RAD51AP2: variants seen among roughly 807,000 people sequenced by gnomAD.
The protein encoded by RAD51AP2 is RAD51-associated protein 2.
A neutral mutation model predicts 85.5 loss-of-function variants in RAD51AP2; 67 were observed. The ratio of observed to expected loss-of-function variants is 0.78; its 90% CI spans 0.64 to 0.96. The LOEUF (loss-of-function observed/expected upper bound fraction) is 0.96, where lower values mean the gene tolerates loss of function less well. Among genes scored for constraint, RAD51AP2 ranks in the 40% least tolerant of loss-of-function variants. The probability of loss-of-function intolerance (pLI) is 0.00; values close to 1 mark genes in which losing one functional copy is unlikely to be tolerated. For missense variants in RAD51AP2, 1,307 were observed against 1,332.4 expected (o/e 0.98, Z 0.30); for synonymous variants, 474 against 446.5 (o/e 1.06, Z -0.78).
rs1662725603 is a variant in RAD51AP2, at chr2:17,517,593, A to T, written c.823T>A (p.Leu275Ile). 1 of 1,613,870 alleles carries T rather than the reference A, an allele frequency of 6.2e-7. No individual in the cohort carries two copies. The highest frequency in any genetic ancestry group is 8.5e-7 in the Non-Finnish European group (1 of 1,179,994). The change falls in exon 1 of 3, where the codon TTA becomes ATA. Residue 275 changes from leucine (L) to isoleucine (I), a missense_variant. This residue lies in a region of RAD51AP2 where 635 missense variants were observed against 643.6 expected (regional missense o/e 0.99). Transcript: ENST00000399080. ...DLNSKMSSVY[L>I]KEIAKKKNDK... is the part of the protein sequence containing the mutation. ...TTCTTTTTCTTCGCTATTTCCTTTA[A>T]ATAGACAGAGGACATTTTGCTATTT...
intron 2 of RAD51AP2, among the ~76,000 whole-genome samples, chr2:17,511,589 G>A (rs936594129): frequency 6.6e-6 from 1 of 151,860 alleles, no homozygotes; most frequent in Non-Finnish European, 1.5e-5. Flanking sequence ...AAACTGTGGG[G>A]TACATATGTA....
rs764730094 is a variant in RAD51AP2, at chr2:17,517,669, G to C, written c.747C>G (p.Ser249Arg). 3 of 1,613,574 alleles carry C rather than the reference G, an allele frequency of 1.9e-6. No individual in the cohort carries two copies. In the South Asian group the frequency reaches 3.3e-5, roughly 18 times the overall value. The part of the protein sequence containing the change: ...NQPSLEIAKP[S>R]YFRDSGTISV... ...TTATTGTGCCGCTATCTCTAAAATA[G>C]CTAGGTTTGGCAATTTCCAAGCTGG... is the stretch of plus-strand genomic sequence containing the variant. The change falls in exon 1 of 3, where the codon AGC (serine) becomes AGG (arginine). Residue 249 changes from serine to arginine, a missense_variant. By Grantham distance (110) the Ser-to-Arg change is moderately radical (BLOSUM62 -1). Transcript: ENST00000399080.
chr2:17,510,721 C>A lies in RAD51AP2; in HGVS notation c.*83G>T. 7.5e-6 allele frequency: 7 copies of A among 937,384 alleles called. No homozygotes were observed. Among genetic ancestry groups the A allele is most frequent in the Admixed American group, 3.6e-5 (1 of 27,920 alleles). The allele number at this position is 937,384 out of a possible 1,614,324, so 58.1% of individuals were successfully genotyped here. On this transcript the variant is annotated 3_prime_UTR_variant, in exon 3 of 3. Transcript: ENST00000399080. ...TTCTCCACTTTATAATAAAGCAAGCCCCAAACCCCCAAGCTGGAAGAACAT... is the reference window on the plus strand; with the variant it reads ...TTCTCCACTTTATAATAAAGCAAGCACCAAACCCCCAAGCTGGAAGAACAT...
At chr2:17,511,987 AT>A (rs148927681) in intron 2 of RAD51AP2, among the ~76,000 whole-genome samples, 2,382 of 152,330 alleles carry the variant, frequency 0.016, 36 homozygotes, top group East Asian at 0.088. Context: ...ATAAGACAAC[AT>A]TGTTGGATCA....
At chr2:17,534,130 T>A in the RAD51AP2 span, among the ~76,000 whole-genome samples, 1 of 152,180 alleles carries the variant, frequency 6.6e-6, no homozygotes, top group East Asian at 1.9e-4. Context: ...AATGTATAAA[T>A]TTTAAAAATG....
rs1558264657 is a variant in RAD51AP2 at position 17,515,572 on chromosome 2, A to G, written c.2844T>C (p.Ala948=). ...TCAGAGCTTCTGTTGATAAATATTT[A>G]GCAGCTAAGTCCTGAAAACATTCAT... The part of the protein sequence containing the change: ...GNDECFQDLA[A]KYLSTEALTI... Residue 948 remains alanine, a synonymous_variant, in exon 1 of 3, where the codon GCT becomes GCC. Coordinates refer to ENST00000399080, the MANE Select transcript of RAD51AP2 (RefSeq NM_001099218.3). 1 of 1,608,354 alleles carries G rather than the reference A, an allele frequency of 6.2e-7. No homozygotes were observed. The highest frequency in any genetic ancestry group is 1.3e-5 in the African/African-American group (1 of 74,510).
At chr2:17,532,032 T>TA in the RAD51AP2 span, among the ~76,000 whole-genome samples, 13 of 150,606 alleles carry the variant, frequency 8.6e-5, no homozygotes, top group African/African-American at 3.0e-4. Flanking sequence ...ATTTTCACAG[T>TA]AAAAAAAGCC....
rs776432345 is a variant in RAD51AP2 at position 17,515,206 on chromosome 2, T to C, written c.3210A>G (p.Arg1070=). Residue 1070 remains arginine, a synonymous_variant, in exon 1 of 3, where the codon AGA becomes AGG. Transcript: ENST00000399080. ...TAGAGTAAAGTAATTCTTCCTCTGA[T>C]CTACTTGGATAACAACTCTCATTAG... The part of the protein sequence containing the change: ...EVPNESCYPS[R]SEEELLYSTS... 14 of 1,596,080 alleles carry C rather than the reference T, an allele frequency of 8.8e-6. No homozygotes were observed. The highest frequency in any genetic ancestry group is 1.3e-5 in the African/African-American group (1 of 74,262).
At chr2:17,525,780 GT>G in the RAD51AP2 span, among the ~76,000 whole-genome samples, 1 of 151,962 alleles carries the variant, frequency 6.6e-6, no homozygotes, top group Non-Finnish European at 1.5e-5. Flanking sequence ...TTTCTTAAAA[GT>G]TATCTGGCCT....
the RAD51AP2 span, among the ~76,000 whole-genome samples, chr2:17,530,090 C>T: frequency 1.3e-5 from 2 of 152,194 alleles, no homozygotes; most frequent in African/African-American, 4.8e-5. Context: ...ACCATAACTA[C>T]CAAAGAGTAA....
rs192386910 is a variant in RAD51AP2, at chr2:17,518,400, G to C, written c.16C>G (p.Pro6Ala). Residue 6 changes from proline to alanine, a missense_variant, in exon 1 of 3, where the codon CCC becomes GCC. By Grantham distance (27) the Pro-to-Ala change is conservative. Transcript: ENST00000399080. MSLPQ[P>A]TPRMAELRKP... ...CTGAGCTCGGCCATCCGCGGCGTGG[G>C]CTGAGGGAGAGACATGACAGCGAAT... The C allele has an allele frequency of 1.6e-4, 256 of 1,612,288 alleles. 3 individuals are homozygous for C. In the East Asian group the frequency reaches 5.6e-3, roughly 36 times the overall value.
intron 1 of RAD51AP2, 99 bp from the exon 2 acceptor site, chr2:17,514,191 G>T: frequency 1.3e-6 from 1 of 770,536 alleles, no homozygotes; most frequent in Non-Finnish European, 2.1e-6. Context: ...TCCTTCAGTT[G>T]GCTCCTAATA....
At chr2:17,535,935 CAAAAAAAAAAA>C in the RAD51AP2 span, among the ~76,000 whole-genome samples, 1 of 57,228 alleles carries the variant, frequency 1.7e-5, no homozygotes, top group South Asian at 8.1e-4. Context: ...GTAAGAACAC[CAAAAAAAAAAA>C]AAAAAAAAAA....
intron 1 of RAD51AP2, among the ~76,000 whole-genome samples, 158 bp downstream of exon 1, chr2:17,515,011 A>AG (rs1177884724): frequency 1.3e-5 from 2 of 151,798 alleles, no homozygotes; most frequent in Non-Finnish European, 1.5e-5. Flanking sequence ...TTGCTGGAAA[A>AG]AAAAAAAAAG....
At chr2:17,518,553 C>T, upstream of RAD51AP2, 2 of 1,074,784 alleles carry the variant, frequency 1.9e-6, no homozygotes, top group African/African-American at 1.6e-5. Context: ...TTGCCCCACC[C>T]CGAATCCGCC....
Position 17,515,793 on chromosome 2 carries a change from A to T in RAD51AP2, c.2623T>A (p.Ser875Thr). ...FPMDDMFSVQSVSLISKEVNV... is the reference protein window; with the variant it reads ...FPMDDMFSVQTVSLISKEVNV... The stretch of plus-strand genomic sequence containing the variant: ...ACTTCCTTACTTATTAATGAAACTG[A>T]CTGTACAGAAAACATGTCATCCATT... The change falls in exon 1 of 3, where the codon TCA (serine) becomes ACA (threonine). Residue 875 changes from serine (S) to threonine (T), a missense_variant. This residue lies in a region of RAD51AP2 where 668 missense variants were observed against 671.0 expected (regional missense o/e 1.00). Coordinates refer to ENST00000399080, the MANE Select transcript of RAD51AP2 (RefSeq NM_001099218.3). 2.5e-6 allele frequency: 4 copies of T among 1,602,838 alleles called. No individual in the cohort carries two copies. Among genetic ancestry groups the T allele is most frequent in the Non-Finnish European group, 3.4e-6 (4 of 1,172,698 alleles).
At chr2:17,514,710 C>G (rs1194537779) in intron 1 of RAD51AP2, among the ~76,000 whole-genome samples, 1 of 152,088 alleles carries the variant, frequency 6.6e-6, no homozygotes, top group East Asian at 1.9e-4. Context: ...GCAGAGGTTA[C>G]AGTGAGCCGA....
At chr2:17,527,346 A>G in the RAD51AP2 span, among the ~76,000 whole-genome samples, 2 of 151,982 alleles carry the variant, frequency 1.3e-5, no homozygotes, top group Non-Finnish European at 2.9e-5. Context: ...CAGGGTGTTC[A>G]GAACCTTGCA....
chr2:17,516,829 A>AATACTATT lies in RAD51AP2; in HGVS notation c.1579_1586dup (p.Leu530IlefsTer4), dbSNP rs1444403505. The AATACTATT allele has an allele frequency of 4.5e-6, 7 of 1,546,510 alleles. No homozygotes were observed. The highest frequency in any genetic ancestry group is 6.1e-6 in the Non-Finnish European group (7 of 1,146,320). The stretch of plus-strand genomic sequence containing the variant: ...ACTTCAAAATGTTACAGCAGGTTAA[A>AATACTATT]ATACTATTATCTTTTTTATTTCCTG... On this transcript the variant is annotated frameshift_variant, in exon 1 of 3. Coordinates refer to ENST00000399080, the MANE Select transcript of RAD51AP2 (RefSeq NM_001099218.3). LOFTEE classifies it high-confidence loss of function.
Sources: allele counts gnomAD v4.1 joint callset (sites outside exome capture counted in the v4.1 genomes callset), GRCh38; gene constraint gnomAD v4.1.1; regional missense constraint gnomAD v4.1.1; transcripts MANE v1.5; gene names NCBI Gene and HGNC (gene_info 2026-07-23, HGNC 2026-07-21).